MDGA2: variants seen among roughly 807,000 people sequenced by gnomAD.
MDGA2 encodes the protein MAM domain containing glycosylphosphatidylinositol anchor 2.
Under a neutral mutation model 117.8 loss-of-function variants are expected in MDGA2, and 40 were observed. The ratio of observed to expected loss-of-function variants is 0.34; its 90% CI spans 0.26 to 0.44. The LOEUF (loss-of-function observed/expected upper bound fraction) is 0.44, where lower values mean the gene tolerates loss of function less well. Ranked by LOEUF, MDGA2 falls within the 20% of genes least tolerant of loss-of-function variation. The pLI, the probability that MDGA2 is intolerant of heterozygous loss-of-function variation, is 1.00. For missense variants in MDGA2, 1,123 were observed against 1,250.6 expected (o/e 0.90, Z 1.54); for synonymous variants, 452 against 439.0 (o/e 1.03, Z -0.37).
intron 1 of MDGA2, among the ~76,000 whole-genome samples, chr14:47,421,477 T>G (rs1449587553): frequency 7.6e-6 from 1 of 130,956 alleles, no homozygotes; most frequent in East Asian, 2.1e-4. Context: ...CTTTAATATG[T>G]GGACCAGCTG....
At chr14:46,967,910 T>C (rs1314044296) in intron 8 of MDGA2, among the ~76,000 whole-genome samples, 2 of 152,132 alleles carry the variant, frequency 1.3e-5, no homozygotes, top group African/African-American at 4.8e-5. Context: ...TCTTCTCTCT[T>C]AAAATACTAT....
At chr14:47,218,693 T>A (rs1040183640) in intron 2 of MDGA2, among the ~76,000 whole-genome samples, 1 of 152,118 alleles carries the variant, frequency 6.6e-6, no homozygotes, top group Non-Finnish European at 1.5e-5. Context: ...ATTGAGATTA[T>A]GTATAATTTT....
At chr14:47,283,035 T>TA (rs376247177) in intron 2 of MDGA2, among the ~76,000 whole-genome samples, 1 of 152,358 alleles carries the variant, frequency 6.6e-6, no homozygotes, top group African/African-American at 2.4e-5. Flanking sequence ...AAAATCTCTT[T>TA]AGTGATGAAG....
chr14:47,171,897 G>C (rs1223163334), intron 3 of MDGA2, among the ~76,000 whole-genome samples: 1 of 152,208 alleles, frequency 6.6e-6, no homozygotes, highest in African/African-American at 2.4e-5. Context: ...CTTAGTGAAA[G>C]AAAGGGGTGA....
At chr14:46,887,551 G>A (rs1184409358) in intron 10 of MDGA2, among the ~76,000 whole-genome samples, 1 of 151,838 alleles carries the variant, frequency 6.6e-6, no homozygotes, top group African/African-American at 2.4e-5. Context: ...CAAGGAGTAC[G>A]GCAGAAAATC....
intron 10 of MDGA2, among the ~76,000 whole-genome samples, chr14:46,914,944 G>A (rs1489793861): frequency 2.6e-5 from 4 of 152,050 alleles, no homozygotes; most frequent in Non-Finnish European, 5.9e-5. Flanking sequence ...ATAATCCTTT[G>A]AATAAAATTT....
chr14:46,988,208 T>G (rs138310336), intron 8 of MDGA2, among the ~76,000 whole-genome samples: 5 of 151,904 alleles, frequency 3.3e-5, no homozygotes, highest in Admixed American at 6.6e-5. Flanking sequence ...GGGAGAATCA[T>G]GCTGATTATT....
At chr14:46,926,509 T>G (rs1252763774) in intron 9 of MDGA2, among the ~76,000 whole-genome samples, 1 of 151,774 alleles carries the variant, frequency 6.6e-6, no homozygotes, top group Non-Finnish European at 1.5e-5. Context: ...CAAAGTCATA[T>G]AGTGTTCACA....
rs1259818897 is a variant in MDGA2 at position 47,508,094 on chromosome 14, A to G, written c.280+166423T>C. Among the ~76,000 whole-genome samples, 4 of 152,282 alleles carry G rather than the reference A, an allele frequency of 2.6e-5. No individual in the cohort carries two copies. In the East Asian group the frequency reaches 5.8e-4, roughly 22 times the overall value. ...CTGATATAGTAGTGTAATCATTTCC[A>G]TTCTCTATGGAAGACTTCCAACATA... On this transcript the variant is annotated intron_variant, in intron 1 of 16. Coordinates refer to ENST00000399232, the MANE Select transcript of MDGA2 (RefSeq NM_001113498.3).
intron 8 of MDGA2, among the ~76,000 whole-genome samples, chr14:47,012,421 T>C (rs1277075011): frequency 6.6e-6 from 1 of 152,168 alleles, no homozygotes; most frequent in Non-Finnish European, 1.5e-5. Flanking sequence ...TGTCAACTAC[T>C]GAACTGTCTA....
At chr14:47,492,594 C>T (rs1286210932) in intron 1 of MDGA2, among the ~76,000 whole-genome samples, 1 of 151,982 alleles carries the variant, frequency 6.6e-6, no homozygotes, top group Non-Finnish European at 1.5e-5. Context: ...AGGAAAAGAT[C>T]ATAAATCTTA....
rs181589436 is a variant in MDGA2, at chr14:46,930,987, C to T, written c.2090-10827G>A. ...ATCCTAATGCTTTGGGAGGCCGAGG[C>T]GGGCGGATCACGAGGTCAAGAGTTC... On this transcript the variant is annotated intron_variant, in intron 9 of 16. Coordinates refer to ENST00000399232, the MANE Select transcript of MDGA2 (RefSeq NM_001113498.3). Among the ~76,000 whole-genome samples, 109 of 152,084 alleles carry T rather than the reference C, an allele frequency of 7.2e-4. No homozygotes were observed. The East Asian group carries it at 0.014, about 19-fold the overall frequency.
At chr14:47,451,606 G>A (rs1036391723) in intron 1 of MDGA2, among the ~76,000 whole-genome samples, 6 of 151,986 alleles carry the variant, frequency 3.9e-5, no homozygotes, top group African/African-American at 1.2e-4. Context: ...CATTTAATGG[G>A]CCAAAAACCT....
intron 1 of MDGA2, among the ~76,000 whole-genome samples, chr14:47,558,640 GA>G (rs1464138788): frequency 6.6e-6 from 1 of 152,146 alleles, no homozygotes; most frequent in East Asian, 1.9e-4. Flanking sequence ...TGTCCATCTT[GA>G]CAAGTTTTCT....
chr14:47,010,642 T>C (rs1887866664), intron 8 of MDGA2, among the ~76,000 whole-genome samples: 1 of 152,014 alleles, frequency 6.6e-6, no homozygotes, highest in South Asian at 2.1e-4. Context: ...AAATTTTGCA[T>C]TGTATTGTTG....
chr14:47,484,904 T>A (rs1894027374), intron 1 of MDGA2, among the ~76,000 whole-genome samples: 1 of 152,186 alleles, frequency 6.6e-6, no homozygotes, highest in Non-Finnish European at 1.5e-5. Flanking sequence ...TGTGGAACTG[T>A]CAGTCCAATT....
At chr14:47,467,409 A>C (rs1893626208) in intron 1 of MDGA2, among the ~76,000 whole-genome samples, 1 of 152,172 alleles carries the variant, frequency 6.6e-6, no homozygotes. Context: ...TTGTAGCATG[A>C]TATCCAATAA....
At chr14:47,477,948 G>T (rs549067997) in intron 1 of MDGA2, among the ~76,000 whole-genome samples, 8 of 152,268 alleles carry the variant, frequency 5.3e-5, no homozygotes, top group Non-Finnish European at 7.3e-5. Context: ...ATTAGTAAAA[G>T]AACTCAGTTC....
intron 1 of MDGA2, among the ~76,000 whole-genome samples, chr14:47,470,153 A>T (rs1157068192): frequency 2.0e-5 from 3 of 151,378 alleles, no homozygotes; most frequent in African/African-American, 4.9e-5. Flanking sequence ...TCTGGGTTAC[A>T]AGTGCAGAAC....
Sources: gnomAD v4.1 joint callset for allele counts (sites outside exome capture counted in the v4.1 genomes callset) on GRCh38, gnomAD v4.1.1 for gene constraint, MANE v1.5 for transcripts, NCBI Gene and HGNC (gene_info 2026-07-23, HGNC 2026-07-21) for gene names.